The following ENTHD1 variants were observed in gnomAD, a reference collection of about 807,000 sequenced individuals.
ENTHD1 encodes the protein ENTH domain-containing protein 1.
In ENTHD1, 23 loss-of-function variants were observed where a neutral mutation model predicts 39.1. The ratio of observed to expected loss-of-function variants is 0.59; its 90% CI spans 0.42 to 0.83. The LOEUF is 0.83. ENTHD1 is among the 40% of genes least tolerant of loss of function. ENTHD1 has a pLI of 0.00. For missense variants in ENTHD1, 624 were observed against 705.4 expected (o/e 0.88, Z 1.31); for synonymous variants, 230 against 258.2 (o/e 0.89, Z 1.05).
chr22:39,836,005 T>A, intron 3 of ENTHD1, 47 bp from the exon 4 acceptor site: 1 of 1,379,156 alleles, frequency 7.3e-7, no homozygotes, highest in Non-Finnish European at 1.0e-6. Flanking sequence ...AAAACACAGT[T>A]ATGTTTTTAT....
intron 6 of ENTHD1, among the ~76,000 whole-genome samples, chr22:39,763,958 G>A (rs2065255196): frequency 6.6e-6 from 1 of 152,102 alleles, no homozygotes; most frequent in South Asian, 2.1e-4. Flanking sequence ...AGCAGTCTCA[G>A]AAGAAAAGTT....
chr22:39,766,498 G>T (rs1479174710), intron 5 of ENTHD1, among the ~76,000 whole-genome samples: 2 of 152,126 alleles, frequency 1.3e-5, no homozygotes, highest in African/African-American at 4.8e-5. Flanking sequence ...TCTGAACCGG[G>T]ATACGAAAAG....
At chr22:39,834,994 T>G (rs1252501184) in intron 4 of ENTHD1, among the ~76,000 whole-genome samples, 1 of 152,160 alleles carries the variant, frequency 6.6e-6, no homozygotes, top group Non-Finnish European at 1.5e-5. Flanking sequence ...CACGAGGCAC[T>G]TCTTTTGTGG....
chr22:39,889,006 G>C (rs775788702), intron 1 of ENTHD1, among the ~76,000 whole-genome samples: 1 of 152,086 alleles, frequency 6.6e-6, no homozygotes, highest in Non-Finnish European at 1.5e-5. Context: ...CTGCTTTCTT[G>C]CTAAACCTAA....
At chr22:39,835,800 A>G (rs368531650) in intron 4 of ENTHD1, 40 bp downstream of exon 4, 1 of 1,420,950 alleles carries the variant, frequency 7.0e-7, no homozygotes, top group African/African-American at 1.4e-5. Flanking sequence ...CAAAACTTGC[A>G]GTGATTTATT....
chr22:39,814,294 A>C (rs1489426277), intron 5 of ENTHD1, among the ~76,000 whole-genome samples: 1 of 147,022 alleles, frequency 6.8e-6, no homozygotes, highest in Non-Finnish European at 1.5e-5. Flanking sequence ...CCCCATCTCT[A>C]CAAAAAAAAA....
chr22:39,889,078 C>G (rs146676786), intron 1 of ENTHD1, among the ~76,000 whole-genome samples: 1 of 152,316 alleles, frequency 6.6e-6, no homozygotes, highest in African/African-American at 2.4e-5. Flanking sequence ...ACAGCTAATT[C>G]ATGGTACCCT....
chr22:39,762,169 G>A (rs2065238679), intron 6 of ENTHD1, among the ~76,000 whole-genome samples: 1 of 152,122 alleles, frequency 6.6e-6, no homozygotes, highest in African/African-American at 2.4e-5. Flanking sequence ...TTTCTTTTCT[G>A]GTCAGACTCG....
At chr22:39,860,816 G>T (rs535366263) in intron 3 of ENTHD1, among the ~76,000 whole-genome samples, 3 of 152,174 alleles carry the variant, frequency 2.0e-5, no homozygotes, top group Non-Finnish European at 4.4e-5. Context: ...TACTGGAGAA[G>T]TTAGAGCAAA....
chr22:39,853,573 CT>C (rs2066061657), intron 3 of ENTHD1, among the ~76,000 whole-genome samples: 1 of 151,802 alleles, frequency 6.6e-6, no homozygotes, highest in Non-Finnish European at 1.5e-5. Context: ...TTTTATTCTT[CT>C]TCTTATTATT....
intron 6 of ENTHD1, among the ~76,000 whole-genome samples, chr22:39,759,053 G>T (rs1166076378): frequency 6.6e-6 from 1 of 152,078 alleles, no homozygotes; most frequent in Non-Finnish European, 1.5e-5. Context: ...AATTTTTGAG[G>T]AATATTGGTC....
chr22:39,860,261 AAGG>A (rs1281539046), intron 3 of ENTHD1, among the ~76,000 whole-genome samples: 1 of 152,238 alleles, frequency 6.6e-6, no homozygotes, highest in Admixed American at 6.5e-5. Flanking sequence ...TGACAAAAGA[AAGG>A]AAGAAGGAAG....
chr22:39,765,509 G>GT lies in ENTHD1; in HGVS notation c.932dup (p.Asn311LysfsTer17). On this transcript the variant is annotated frameshift_variant, in exon 6 of 7. Transcript: ENST00000325157. LOFTEE classifies it high-confidence loss of function. ...GCTTTTCTAAAGGTGTTTCCAAGAG[G>GT]TTTTCTGTGACAGTATTTGTAAAGA... 6.2e-7 allele frequency: 1 copy of GT among 1,613,862 alleles called. No homozygotes were observed. The highest frequency in any genetic ancestry group is 1.3e-5 in the African/African-American group (1 of 74,984).
At chr22:39,765,078 T>A (rs2065263787) in intron 6 of ENTHD1, 145 bp downstream of exon 6, 1 of 1,339,908 alleles carries the variant, frequency 7.5e-7, no homozygotes, top group East Asian at 2.5e-5. Context: ...GTATGGCATG[T>A]ACATTTTAAT....
chr22:39,769,322 C>T (rs908424815), intron 5 of ENTHD1, among the ~76,000 whole-genome samples: 5 of 151,996 alleles, frequency 3.3e-5, no homozygotes, highest in South Asian at 2.1e-4. Context: ...GAAGCACAAA[C>T]GAGGGACCGG....
intron 5 of ENTHD1, among the ~76,000 whole-genome samples, chr22:39,809,505 C>T (rs977536288): frequency 6.6e-6 from 1 of 152,122 alleles, no homozygotes; most frequent in African/African-American, 2.4e-5. Context: ...GAGAATGTGC[C>T]ATGTGTGTAG....
At chr22:39,859,989 CCTCT>C (rs2066126533) in intron 3 of ENTHD1, among the ~76,000 whole-genome samples, 1 of 152,034 alleles carries the variant, frequency 6.6e-6, no homozygotes, top group African/African-American at 2.4e-5. Flanking sequence ...TCCAAAAGGC[CCTCT>C]CTCATTACGT....
At chr22:39,839,009 A>G (rs550672110) in intron 3 of ENTHD1, among the ~76,000 whole-genome samples, 1 of 152,248 alleles carries the variant, frequency 6.6e-6, no homozygotes, top group Admixed American at 6.5e-5. Context: ...CATTTAAAAG[A>G]TGGATATAAC....
At chr22:39,750,563 C>A (rs1051894695) in intron 6 of ENTHD1, 1 of 153,106 alleles carries the variant, frequency 6.5e-6, no homozygotes, top group African/African-American at 2.4e-5. Flanking sequence ...CAGATTCCTG[C>A]AATTTTGGAA....
Sources: allele counts gnomAD v4.1 joint callset (sites outside exome capture counted in the v4.1 genomes callset), GRCh38; gene constraint gnomAD v4.1.1; transcripts MANE v1.5; gene names NCBI Gene and HGNC (gene_info 2026-07-23, HGNC 2026-07-21).